The following ZNF804A variants were observed in gnomAD, a reference collection of about 807,000 sequenced individuals.
ZNF804A encodes zinc finger protein 804A.
A neutral mutation model predicts 16.5 loss-of-function variants in ZNF804A; 2 were observed. The ratio of observed to expected loss-of-function variants is 0.12; its 90% confidence interval spans 0.05 to 0.38. The LOEUF (loss-of-function observed/expected upper bound fraction) is 0.38, where lower values mean the gene tolerates loss of function less well. Among genes scored for constraint, ZNF804A ranks in the 10% least tolerant of loss-of-function variants. The pLI is 0.99. For missense variants in ZNF804A, 1,473 were observed against 1,390.7 expected (o/e 1.06, Z -0.94); for synonymous variants, 534 against 489.6 (o/e 1.09, Z -1.20).
chr2:184,790,459 T>C (rs1020601645), intron 1 of ZNF804A, among the ~76,000 whole-genome samples: 58 of 152,152 alleles, frequency 3.8e-4, no homozygotes, highest in African/African-American at 1.3e-3. Context: ...CCCAGTATTA[T>C]TTTATTACTA....
chr2:184,673,354 A>G (rs1434186129), intron 1 of ZNF804A, among the ~76,000 whole-genome samples: 2 of 152,226 alleles, frequency 1.3e-5, no homozygotes, highest in African/African-American at 4.8e-5. Flanking sequence ...GTATCCATAT[A>G]GCTTTTGTCT....
At chr2:184,899,074 A>G (rs571094217) in intron 2 of ZNF804A, among the ~76,000 whole-genome samples, 2 of 152,100 alleles carry the variant, frequency 1.3e-5, no homozygotes, top group South Asian at 2.1e-4. Flanking sequence ...AATTTTTTAT[A>G]TAATGACAAT....
At chr2:184,819,651 T>A (rs532014989) in intron 1 of ZNF804A, among the ~76,000 whole-genome samples, 54 of 150,616 alleles carry the variant, frequency 3.6e-4, no homozygotes, top group Admixed American at 8.0e-4. Context: ...AAAAAAAAAA[T>A]TTAATAAAAT....
At position 184,793,137 on chromosome 2, in the gene ZNF804A, G is replaced by A. The variant is rs78956676; in HGVS notation, c.112-73232G>A. Among the ~76,000 whole-genome samples, 44 of 152,176 alleles carry A rather than the reference G, an allele frequency of 2.9e-4. No individual in the cohort carries two copies. The East Asian group carries it at 7.7e-3, about 27-fold the overall frequency. On this transcript the variant is annotated intron_variant, in intron 1 of 3. Transcript: ENST00000302277. Reference sequence around the variant, plus strand: ...TTTTGTGGCTGCATAGTATTCCATGGTGTATATGTACCATGTTTTCCTCAT... The same window carrying A: ...TTTTGTGGCTGCATAGTATTCCATGATGTATATGTACCATGTTTTCCTCAT...
At chr2:184,810,563 T>G (rs1412573077) in intron 1 of ZNF804A, among the ~76,000 whole-genome samples, 1 of 149,808 alleles carries the variant, frequency 6.7e-6, no homozygotes, top group Non-Finnish European at 1.5e-5. Flanking sequence ...CGATCTCTGC[T>G]TACTGCAGGC....
At chr2:184,755,973 T>C (rs1693952882) in intron 1 of ZNF804A, among the ~76,000 whole-genome samples, 2 of 152,004 alleles carry the variant, frequency 1.3e-5, no homozygotes, top group African/African-American at 4.8e-5. Flanking sequence ...AACATGCAAA[T>C]TATTTAATGT....
chr2:184,627,651 A>G (rs1691527397), intron 1 of ZNF804A, among the ~76,000 whole-genome samples: 1 of 152,212 alleles, frequency 6.6e-6, no homozygotes. Context: ...GTGTATGGTA[A>G]GCAGAAAATA....
intron 2 of ZNF804A, among the ~76,000 whole-genome samples, chr2:184,903,344 C>T (rs918999110): frequency 2.6e-5 from 4 of 151,998 alleles, no homozygotes; most frequent in Non-Finnish European, 4.4e-5. Context: ...TTTACTGTAC[C>T]GTTTCTATGT....
At chr2:184,694,484 T>C (rs1019014487) in intron 1 of ZNF804A, among the ~76,000 whole-genome samples, 8 of 152,208 alleles carry the variant, frequency 5.3e-5, no homozygotes, top group African/African-American at 1.4e-4. Context: ...GATAGATACA[T>C]ATTTCTTATA....
At chr2:184,601,233 A>C (rs1235602252) in intron 1 of ZNF804A, among the ~76,000 whole-genome samples, 1 of 152,104 alleles carries the variant, frequency 6.6e-6, no homozygotes, top group South Asian at 2.1e-4. Context: ...TATTATGGAA[A>C]ATGATGAGAT....
chr2:184,735,131 T>C (rs1489045178), intron 1 of ZNF804A, among the ~76,000 whole-genome samples: 1 of 152,188 alleles, frequency 6.6e-6, no homozygotes, highest in Non-Finnish European at 1.5e-5. Flanking sequence ...GTCTCTTAAT[T>C]GTTGCATTTA....
intron 1 of ZNF804A, among the ~76,000 whole-genome samples, chr2:184,770,105 A>G (rs1694188830): frequency 6.6e-6 from 1 of 152,080 alleles, no homozygotes; most frequent in Non-Finnish European, 1.5e-5. Context: ...ATGTAAAGTC[A>G]TAGAGGAGAA....
intron 1 of ZNF804A, among the ~76,000 whole-genome samples, chr2:184,816,714 A>C (rs193202294): frequency 1.3e-4 from 19 of 152,000 alleles, no homozygotes; most frequent in African/African-American, 4.6e-4. Flanking sequence ...AACCTTTGAA[A>C]GTGTTGTCTC....
At chr2:184,852,788 T>C (rs1317762280) in intron 1 of ZNF804A, among the ~76,000 whole-genome samples, 1 of 151,678 alleles carries the variant, frequency 6.6e-6, no homozygotes, top group Non-Finnish European at 1.5e-5. Context: ...GAACTCTCCA[T>C]TCTGATCCAT....
At chr2:184,812,838 G>A (rs1694922481) in intron 1 of ZNF804A, among the ~76,000 whole-genome samples, 1 of 152,130 alleles carries the variant, frequency 6.6e-6, no homozygotes, top group African/African-American at 2.4e-5. Flanking sequence ...AATGTAAGCA[G>A]CATGGGTTTA....
chr2:184,866,878 G>A (rs62200789), intron 2 of ZNF804A, among the ~76,000 whole-genome samples: 47,675 of 149,204 alleles, frequency 0.32, 10,309 homozygotes, highest in African/African-American at 0.62. Context: ...TATATTTATT[G>A]CATGTTATTT....
At position 184,776,565 on chromosome 2, in the gene ZNF804A, C is replaced by A. The variant is rs1270113707; in HGVS notation, c.112-89804C>A. ...TCTCTGTCAGAATAATTATTCATAC[C>A]TTTTGAAGTAAGGCAAATTTGTCTG... On this transcript the variant is annotated intron_variant, in intron 1 of 3. Transcript: ENST00000302277. Among the ~76,000 whole-genome samples the A allele has an allele frequency of 9.9e-5, 15 of 151,038 alleles. No homozygotes were observed. In the Admixed American group the frequency reaches 9.9e-4, roughly 10 times the overall value.
intron 2 of ZNF804A, 51 bp from the exon 3 acceptor site, chr2:184,933,552 A>G: frequency 6.6e-7 from 1 of 1,524,822 alleles, no homozygotes. Context: ...AAACTTTAAA[A>G]CTACTATAGA....
intron 1 of ZNF804A, among the ~76,000 whole-genome samples, chr2:184,783,876 A>G (rs1393921016): frequency 5.3e-5 from 8 of 151,964 alleles, no homozygotes; most frequent in African/African-American, 9.7e-5. Flanking sequence ...TGGTTTGTCA[A>G]TTTCTGATAA....
Sources: gnomAD v4.1 joint callset for allele counts (sites outside exome capture counted in the v4.1 genomes callset) on GRCh38, gnomAD v4.1.1 for gene constraint, MANE v1.5 for transcripts, NCBI Gene and HGNC (gene_info 2026-07-23, HGNC 2026-07-21) for gene names.